The following PDCD4 variants were observed in gnomAD, a reference collection of about 807,000 sequenced individuals.
PDCD4 encodes programmed cell death 4.
A neutral mutation model predicts 54.0 loss-of-function variants in PDCD4; 56 were observed. That is an observed-to-expected ratio of 1.04 (90% CI 0.84 to 1.30). The LOEUF (loss-of-function observed/expected upper bound fraction) is 1.30, where lower values mean the gene tolerates loss of function less well. Among genes scored for constraint, PDCD4 ranks in the 50% most tolerant of loss-of-function variants. PDCD4 has a pLI of 0.00. For missense variants in PDCD4, 584 were observed against 559.8 expected (o/e 1.04, Z -0.44); for synonymous variants, 186 against 194.8 (o/e 0.95, Z 0.37).
In PDCD4 at chr10:110,883,622, A is replaced by G. The variant is rs1428492650; in HGVS notation, c.441+525A>G. ...AGCTTTACAAACTTAAATAATTACA[A>G]ACTCATAGGCAGTCTTGTTTAATTC... On this transcript the variant is annotated intron_variant, in intron 4 of 11. Transcript: ENST00000280154. Among the ~76,000 whole-genome samples the G allele has an allele frequency of 2.0e-5, 3 of 152,128 alleles. No individual in the cohort carries two copies. In the East Asian group the frequency reaches 5.8e-4, roughly 29 times the overall value.
chr10:110,876,197 A>ATCC, intron 2 of PDCD4, 127 bp downstream of exon 2: 1 of 610,392 alleles, frequency 1.6e-6, no homozygotes. Flanking sequence ...GGCTTAAGAG[A>ATCC]TCCTCCCCTA....
chr10:110,896,423 G>C (rs943647530), intron 11 of PDCD4, among the ~76,000 whole-genome samples: 4 of 152,150 alleles, frequency 2.6e-5, no homozygotes, highest in Admixed American at 2.6e-4. Flanking sequence ...CACATGGCTA[G>C]TACATGGTAG....
chr10:110,898,127 T>A lies in PDCD4; in HGVS notation c.*39T>A, dbSNP rs376964203. On this transcript the variant is annotated 3_prime_UTR_variant, in exon 12 of 12. Transcript: ENST00000280154. ...TGCAGTCTTAGATGTTATAAAAATA[T>A]ATATCTGAATTGTAAGAGTTGTTAG... 1.7e-6 allele frequency: 2 copies of A among 1,181,548 alleles called. No individual in the cohort carries two copies. 73.2% of individuals were successfully genotyped at this position (1,181,548 alleles called of 1,614,324 possible). A position where few individuals can be genotyped will look rare whatever the true frequency, so the allele number is the denominator to read the frequency against.
intron 6 of PDCD4, among the ~76,000 whole-genome samples, chr10:110,888,272 C>G (rs545192686): frequency 1.4e-3 from 216 of 151,906 alleles, no homozygotes; most frequent in Middle Eastern, 3.4e-3. Context: ...AAGACTCTTC[C>G]CTTTTGTAGC....
intron 1 of PDCD4, among the ~76,000 whole-genome samples, chr10:110,872,821 A>G (rs1845441322): frequency 6.6e-6 from 1 of 152,140 alleles, no homozygotes. Context: ...CATCTTCTCC[A>G]TTTGTCAGTT....
At position 110,887,707 on chromosome 10, in the gene PDCD4, G is replaced by A. The variant is rs376917609; in HGVS notation, c.598G>A (p.Val200Ile). Reference protein sequence around the residue: ...DLNLGEMKSGVPVLAVSLALE... With the variant: ...DLNLGEMKSGIPVLAVSLALE... ...AAATCTTGGTGAAATGAAAAGTGGA[G>A]TACCAGTGTTGGCAGTATCCTTAGC... The change falls in exon 6 of 12, where the codon GTA becomes ATA. Residue 200 changes from valine to isoleucine, a missense_variant. Transcript: ENST00000280154. The A allele has an allele frequency of 5.0e-6, 8 of 1,612,952 alleles. No homozygotes were observed. In the East Asian group the frequency reaches 1.3e-4, roughly 27 times the overall value.
At chr10:110,877,833 G>C (rs977445891) in intron 2 of PDCD4, among the ~76,000 whole-genome samples, 1 of 152,096 alleles carries the variant, frequency 6.6e-6, no homozygotes, top group Non-Finnish European at 1.5e-5. Flanking sequence ...GTTTTTTCAT[G>C]TATAAAATTG....
At chr10:110,897,968 T>C in intron 11 of PDCD4, 60 bp from the exon 12 acceptor site, 1 of 1,204,302 alleles carries the variant, frequency 8.3e-7, no homozygotes, top group Non-Finnish European at 1.2e-6. Flanking sequence ...AATTTTTTTA[T>C]ATATTGACTA....
intron 2 of PDCD4, chr10:110,876,634 T>A (rs1845509682): frequency 1.5e-6 from 1 of 652,728 alleles, no homozygotes; most frequent in Non-Finnish European, 2.3e-6. Context: ...TTGGTATCTT[T>A]CCTAACAAAT....
intron 2 of PDCD4, among the ~76,000 whole-genome samples, chr10:110,879,193 A>G (rs941468421): frequency 1.3e-5 from 2 of 152,074 alleles, no homozygotes; most frequent in Admixed American, 6.6e-5. Flanking sequence ...GCGGTTTCCT[A>G]CTTTATACTT....
intron 8 of PDCD4, among the ~76,000 whole-genome samples, chr10:110,892,426 T>A (rs1251693192): frequency 6.6e-6 from 1 of 152,184 alleles, no homozygotes; most frequent in Non-Finnish European, 1.5e-5. Flanking sequence ...TTTGCTTACA[T>A]GGAAGGGTTG....
intron 8 of PDCD4, among the ~76,000 whole-genome samples, chr10:110,893,839 C>T (rs1410052): frequency 0.069 from 10,566 of 152,094 alleles, 761 homozygotes; most frequent in East Asian, 0.3. Flanking sequence ...TAAACCTATT[C>T]GTAGTTCTCA....
intron 8 of PDCD4, among the ~76,000 whole-genome samples, chr10:110,891,275 T>C (rs1391021245): frequency 6.6e-6 from 1 of 151,780 alleles, no homozygotes; most frequent in African/African-American, 2.4e-5. Context: ...GGCATGGTGG[T>C]GCGCACCTGT....
chr10:110,884,948 C>T (rs1400198626), intron 4 of PDCD4: 2 of 186,976 alleles, frequency 1.1e-5, no homozygotes, highest in African/African-American at 4.7e-5. Flanking sequence ...GGCAAGCTAC[C>T]ATGTCTGGCT....
At chr10:110,894,231 T>C (rs756977295) in intron 9 of PDCD4, 33 bp downstream of exon 9, 2 of 1,239,200 alleles carry the variant, frequency 1.6e-6, no homozygotes, top group Non-Finnish European at 2.4e-6. Flanking sequence ...AAGATAATTA[T>C]TAAGTGTTCC....
intron 5 of PDCD4, among the ~76,000 whole-genome samples, chr10:110,886,742 A>G (rs1216096471): frequency 1.3e-5 from 2 of 152,176 alleles, no homozygotes; most frequent in Non-Finnish European, 2.9e-5. Flanking sequence ...TAAATAAGAT[A>G]ATATAACTAA....
Position 110,879,677 on chromosome 10 carries a change from A to AT in PDCD4, c.44-1550dup, listed in dbSNP as rs998283780. Among the ~76,000 whole-genome samples the AT allele has an allele frequency of 5.3e-5, 8 of 151,498 alleles. 1 individual carries two copies. Among genetic ancestry groups the AT allele is most frequent in the Middle Eastern group, 6.8e-3 (2 of 294 alleles). The stretch of plus-strand genomic sequence containing the variant: ...CAAAAAAAAAAAAAAAAAAGTTTAC[A>AT]TTTTTTGTGACATAATGGGACTACT... On this transcript the variant is annotated intron_variant, in intron 2 of 11. Transcript: ENST00000280154.
In PDCD4 at chr10:110,898,197, C is replaced by A. The variant is rs779252577; in HGVS notation, c.*109C>A. On this transcript the variant is annotated 3_prime_UTR_variant, in exon 12 of 12. Transcript: ENST00000280154. ...TTTTTTTAAGCACTTGTTTTGGGTA[C>A]AAGGCATTTCTGACATTTTATAAAC... The A allele has an allele frequency of 2.3e-5, 11 of 475,452 alleles. No individual in the cohort carries two copies. The highest frequency in any genetic ancestry group is 5.3e-5 in the South Asian group (1 of 18,888). 29.5% of individuals were successfully genotyped at this position (475,452 alleles called of 1,614,324 possible).
Position 110,896,045 on chromosome 10 carries a change from C to T in PDCD4, c.1307C>T (p.Ala436Val). The change falls in exon 11 of 12, where the codon GCT (alanine) becomes GTT (valine). Residue 436 changes from alanine to valine, a missense_variant. By Grantham distance (64) the Ala-to-Val change is moderately conservative. Transcript: ENST00000280154. ...LERFVEECFQ[A>V]GIISKQLRDL... ...CGGTTTGTAGAAGAATGTTTTCAGG[C>T]TGGAATAATTTCCAAACAACTCAGA... 6.2e-7 allele frequency: 1 copy of T among 1,610,890 alleles called. No homozygotes were observed.
Sources: allele counts gnomAD v4.1 joint callset (sites outside exome capture counted in the v4.1 genomes callset), GRCh38; gene constraint gnomAD v4.1.1; transcripts MANE v1.5; gene names NCBI Gene and HGNC (gene_info 2026-07-23, HGNC 2026-07-21).